The following HSPA12B variants were observed in gnomAD, a reference collection of about 807,000 sequenced individuals.
HSPA12B encodes heat shock protein family A (Hsp70) member 12B.
A neutral mutation model predicts 69.3 loss-of-function variants in HSPA12B; 54 were observed. The observed-to-expected ratio is 0.78, with a 90% confidence interval of 0.63 to 0.98. The LOEUF is 0.98. HSPA12B is among the 50% of genes least tolerant of loss of function. The pLI, the probability that HSPA12B is intolerant of heterozygous loss-of-function variation, is 0.00. For synonymous variants in HSPA12B, 441 were observed against 436.5 expected, an observed-to-expected ratio of 1.01 and a Z score of -0.13; for missense variants, 929 against 999.8, an observed-to-expected ratio of 0.93 and a Z score of 0.96.
chr20:3,752,294 C>T lies in HSPA12B; in HGVS notation c.*128C>T, dbSNP rs990647426. ...TCTGCGCCTTTCCACGCCCTCCAGC[C>T]CCGGGGGAGATAAGGTCATGGGAGA... On this transcript the variant is annotated 3_prime_UTR_variant, in exon 13 of 13. Transcript: ENST00000254963. 6.5e-6 allele frequency: 6 copies of T among 921,916 alleles called. No homozygotes were observed. The Admixed American group carries it at 1.5e-4, about 23-fold the overall frequency. 57.1% of individuals were successfully genotyped at this position (921,916 alleles called of 1,614,324 possible).
Position 3,745,088 on chromosome 20 carries a change from G to A in HSPA12B, c.453G>A (p.Thr151=), listed in dbSNP as rs766367065. 1.2e-6 allele frequency: 2 copies of A among 1,612,958 alleles called. No homozygotes were observed. The highest frequency in any genetic ancestry group is 1.1e-5 in the South Asian group (1 of 91,028). The change falls in exon 5 of 13, where the codon ACG becomes ACA. Residue 151 remains threonine, a splice_region_variant and synonymous_variant. Transcript: ENST00000254963. The surrounding 1 kb of genome is among the most constrained non-coding windows in gnomAD (Gnocchi z 5.6). ...EKFKMKIHSA[T]DLTLKTQLEA... ...TCAAGATGAAGATCCACAGCGCCAC[G>A]GTGAGTCACAGGGCTCCAGACAGGG...
At position 3,751,879 on chromosome 20, in the gene HSPA12B, C is replaced by A; in HGVS notation, c.1774C>A (p.Arg592Ser). 1 of 1,563,186 alleles carries A rather than the reference C, an allele frequency of 6.4e-7. No homozygotes were observed. Reference sequence around the variant, plus strand: ...GGTGGCCCTGGGCGAGGAGGTGCGGCGCAGCTACTGCCCGGCGCGTCCCGG... The same window carrying A: ...GGTGGCCCTGGGCGAGGAGGTGCGGAGCAGCTACTGCCCGGCGCGTCCCGG... ...QSVALGEEVR[R>S]SYCPARPGQR... is the part of the protein sequence containing the mutation. The change falls in exon 13 of 13, where the codon CGC becomes AGC. Residue 592 changes from arginine to serine, a missense_variant. Physicochemically the swap from Arg to Ser is moderately radical, Grantham distance 110. Coordinates refer to ENST00000254963, the MANE Select transcript of HSPA12B (RefSeq NM_052970.5).
Position 3,752,375 on chromosome 20 carries a change from T to G in HSPA12B, c.*209T>G. 2.0e-6 allele frequency: 1 copy of G among 498,794 alleles called. No homozygotes were observed. The highest frequency in any genetic ancestry group is 3.4e-6 in the Non-Finnish European group (1 of 294,948). The allele number at this position is 498,794 out of a possible 1,614,324, so 30.9% of individuals were successfully genotyped here. On this transcript the variant is annotated 3_prime_UTR_variant, in exon 13 of 13. Transcript: ENST00000254963. ...TGGGATTGGGCACTGGTCCGCTGAC[T>G]GCCAGGCTGAAGGGACCCGCCAAGG...
chr20:3,745,528 TG>T lies in HSPA12B; in HGVS notation c.491del (p.Gly164GlufsTer25). Reference sequence around the variant, plus strand: ...TGAAGACCCAGCTAGAGGCAGTAAATGGAAAGACGATGCCCGCCCTGGAGGT... The same window carrying T: ...TGAAGACCCAGCTAGAGGCAGTAAATGAAAGACGATGCCCGCCCTGGAGGT... ...TLKTQLEAVNGKTMPALEVFA... is the reference protein window; with the variant it reads ...TLKTQLEAVNXKTMPALEVFA... On this transcript the variant is annotated frameshift_variant, in exon 6 of 13. Coordinates refer to ENST00000254963, the MANE Select transcript of HSPA12B (RefSeq NM_052970.5). LOFTEE classifies it high-confidence loss of function. This position sits in a 1 kb window ranked among gnomAD's most constrained non-coding sequence, Gnocchi z 5.6. The T allele has an allele frequency of 6.2e-7, 1 of 1,614,112 alleles. No individual in the cohort carries two copies.
intron 1 of HSPA12B, among the ~76,000 whole-genome samples, chr20:3,736,505 C>A (rs914018285): frequency 1.3e-5 from 2 of 152,182 alleles, no homozygotes; most frequent in East Asian, 1.9e-4. Flanking sequence ...TATGGGCATG[C>A]CAGAGCCAGC....
rs1568479181 is a variant in HSPA12B, at chr20:3,749,787, CGTGGACCTGACG to C, written c.979_990del (p.Asp327_Val330del). 6.2e-7 allele frequency: 1 copy of C among 1,606,550 alleles called. No homozygotes were observed. The highest frequency in any genetic ancestry group is 8.5e-7 in the Non-Finnish European group (1 of 1,178,180). On this transcript the variant is annotated inframe_deletion, in exon 10 of 13. Transcript: ENST00000254963. The surrounding 1 kb of genome is among the most constrained non-coding windows in gnomAD (Gnocchi z 5.5). Reference sequence around the variant, plus strand: ...TGGTGGCCGACTGCGGCGGAGGCACCGTGGACCTGACGGTGCACCAGCTGGAGCAGCCCCATG... The same window carrying C: ...TGGTGGCCGACTGCGGCGGAGGCACCGTGCACCAGCTGGAGCAGCCCCATG...
Position 3,750,370 on chromosome 20 carries a change from G to A in HSPA12B, c.1301+143G>A, listed in dbSNP as rs73895610. On this transcript the variant is annotated intron_variant, in intron 11 of 12. Transcript: ENST00000254963. ...CTAAGCCAGCAGGGCGTCGGGGTGG[G>A]GCGGCGGGGAGCGGCGAGTGAGTGC... 8.7e-3 allele frequency: 8,392 copies of A among 968,258 alleles called. 502 individuals are homozygous for A. The African/African-American group carries it at 0.13, about 14-fold the overall frequency. The allele number at this position is 968,258 out of a possible 1,614,324, so 60.0% of individuals were successfully genotyped here.
chr20:3,744,829 C>T lies in HSPA12B; in HGVS notation c.267-73C>T, dbSNP rs2088265931. The T allele has an allele frequency of 7.0e-7, 1 of 1,436,280 alleles. No individual in the cohort carries two copies. Among genetic ancestry groups the T allele is most frequent in the Non-Finnish European group, 9.5e-7 (1 of 1,047,340 alleles). The allele number at this position is 1,436,280 out of a possible 1,614,324, so 89.0% of individuals were successfully genotyped here. A position where few individuals can be genotyped will look rare whatever the true frequency, so the allele number is the denominator to read the frequency against. ...GCTCTTTCACATCTGTAAGTTTTTG[C>T]ACATGCTGTTCCCTCTGCCTGGATT... is the stretch of plus-strand genomic sequence containing the variant. On this transcript the variant is annotated intron_variant, in intron 4 of 12. Transcript: ENST00000254963. The surrounding 1 kb of genome is among the most constrained non-coding windows in gnomAD (Gnocchi z 4.9).
chr20:3,733,257 G>A (rs2088057778), intron 1 of HSPA12B, among the ~76,000 whole-genome samples: 1 of 152,178 alleles, frequency 6.6e-6, no homozygotes, highest in Non-Finnish European at 1.5e-5. Flanking sequence ...AGGGTCTGAG[G>A]CTGGGACCTG....
At chr20:3,750,457 A>G (rs1385820404) in intron 11 of HSPA12B, among the ~76,000 whole-genome samples, 1 of 152,104 alleles carries the variant, frequency 6.6e-6, no homozygotes, top group East Asian at 1.9e-4. Flanking sequence ...ACAGAGAATC[A>G]TAGCGGGGAG....
intron 4 of HSPA12B, among the ~76,000 whole-genome samples, chr20:3,743,357 A>C (rs1241081629): frequency 6.8e-6 from 1 of 147,768 alleles, no homozygotes; most frequent in African/African-American, 2.7e-5. Context: ...TAATTTAAAA[A>C]AAAAAAAAAA....
At position 3,748,244 on chromosome 20, in the gene HSPA12B, G is replaced by C. The variant is rs749921064; in HGVS notation, c.703G>C (p.Glu235Gln). The stretch of plus-strand genomic sequence containing the variant: ...TGGACTAGTGTCCCGAGAGAATGCA[G>C]AGCAGCTACTCATCGCCCTGGAGCC... ...LAGLVSRENA[E>Q]QLLIALEPEA... is the part of the protein sequence containing the mutation. Residue 235 changes from glutamate (E) to glutamine (Q), a missense_variant, in exon 8 of 13, where the codon GAG (glutamate) becomes CAG (glutamine). Around this residue, in one of 3 missense-constraint regions of HSPA12B, gnomAD observed 477 missense variants for 535.2 expected, o/e 0.89. Coordinates refer to ENST00000254963, the MANE Select transcript of HSPA12B (RefSeq NM_052970.5). 9 of 1,594,030 alleles carry C rather than the reference G, an allele frequency of 5.6e-6. No homozygotes were observed. Among genetic ancestry groups the C allele is most frequent in the Admixed American group, 5.2e-5 (3 of 58,158 alleles).
Position 3,745,974 on chromosome 20 carries a change from G to A in HSPA12B, c.618G>A (p.Thr206=), listed in dbSNP as rs944231169. The A allele has an allele frequency of 4.3e-6, 7 of 1,613,912 alleles. No homozygotes were observed. Among genetic ancestry groups the A allele is most frequent in the African/African-American group, 2.7e-5 (2 of 74,918 alleles). Residue 206 remains threonine, a synonymous_variant, in exon 7 of 13, where the codon ACG becomes ACA. Coordinates refer to ENST00000254963, the MANE Select transcript of HSPA12B (RefSeq NM_052970.5). The surrounding 1 kb of genome is among the most constrained non-coding windows in gnomAD (Gnocchi z 5.6). ...AGGACACTGTGCGCTGGGTGTTGACGGTGCCTGCCATCTGGAAACAGCCAG... is the reference window on the plus strand; with the variant it reads ...AGGACACTGTGCGCTGGGTGTTGACAGTGCCTGCCATCTGGAAACAGCCAG... ...PEKDTVRWVL[T]VPAIWKQPAK...
At chr20:3,738,855 TGTGC>T (rs2088149148) in intron 2 of HSPA12B, 138 bp downstream of exon 2, 3 of 833,460 alleles carry the variant, frequency 3.6e-6, no homozygotes, top group South Asian at 3.0e-5. Context: ...TGTGTGTGTG[TGTGC>T]ATGTGTGCAG....
chr20:3,750,524 G>A (rs2088398523), intron 11 of HSPA12B: 4 of 323,286 alleles, frequency 1.2e-5, no homozygotes, highest in Non-Finnish European at 1.8e-5. Flanking sequence ...GGCCCTGCGG[G>A]CCCATGCTCC....
chr20:3,739,946 T>C (rs1478894154), intron 2 of HSPA12B, among the ~76,000 whole-genome samples: 1 of 152,156 alleles, frequency 6.6e-6, no homozygotes, highest in Non-Finnish European at 1.5e-5. Context: ...ACATGCCCCT[T>C]AGCAATGCCC....
chr20:3,744,935 C>G lies in HSPA12B; in HGVS notation c.300C>G (p.His100Gln). Residue 100 changes from histidine (H) to glutamine (Q), a missense_variant, in exon 5 of 13, where the codon CAC (histidine) becomes CAG (glutamine). His to Gln is a conservative substitution (Grantham distance 24). Around this residue, in one of 3 missense-constraint regions of HSPA12B, gnomAD observed 477 missense variants for 535.2 expected, o/e 0.89. Transcript: ENST00000254963. This position sits in a 1 kb window ranked among gnomAD's most constrained non-coding sequence, Gnocchi z 4.9. ...AGGGCGGAGACCCGGGCGTGGCCCA[C>G]CAGAAGACCCCGACCTGCCTGCTGC... Reference protein sequence around the residue: ...KWEGGDPGVAHQKTPTCLLLT... With the variant: ...KWEGGDPGVAQQKTPTCLLLT... The G allele has an allele frequency of 6.2e-7, 1 of 1,613,556 alleles. No individual in the cohort carries two copies. Among genetic ancestry groups the G allele is most frequent in the African/African-American group, 1.3e-5 (1 of 75,046 alleles).
intron 2 of HSPA12B, among the ~76,000 whole-genome samples, chr20:3,739,795 G>GC (rs2088167781): frequency 6.6e-6 from 1 of 152,196 alleles, no homozygotes; most frequent in Non-Finnish European, 1.5e-5. Flanking sequence ...GGCTGAGGGA[G>GC]CACAGGGCCT....
rs6052056 is a variant in HSPA12B at position 3,744,355 on chromosome 20, G to A, written c.267-547G>A. ...CTTGCTGATCAACACACATGGCTGA[G>A]GCCATGCTGGGGCTAAGGACACATC... On this transcript the variant is annotated intron_variant, in intron 4 of 12. Transcript: ENST00000254963. This position sits in a 1 kb window ranked among gnomAD's most constrained non-coding sequence, Gnocchi z 4.9. Among the ~76,000 whole-genome samples the A allele has an allele frequency of 2.0e-5, 3 of 152,244 alleles. No individual in the cohort carries two copies. Among genetic ancestry groups the A allele is most frequent in the African/African-American group, 7.2e-5 (3 of 41,466 alleles).
Sources: gnomAD v4.1 joint callset for allele counts (sites outside exome capture counted in the v4.1 genomes callset) on GRCh38, gnomAD v4.1.1 for gene constraint, gnomAD v4.1.1 regional missense constraint, Gnocchi (gnomAD v3.1) non-coding constraint, MANE v1.5 for transcripts, NCBI Gene and HGNC (gene_info 2026-07-23, HGNC 2026-07-21) for gene names.